SH2B1: variants seen among roughly 807,000 people sequenced by gnomAD.
The protein encoded by SH2B1 is SH2B adaptor protein 1.
SH2B1 carries 15 observed loss-of-function variants against 62.6 expected under a neutral mutation model. The ratio of observed to expected loss-of-function variants is 0.24; its 90% CI spans 0.16 to 0.37. The LOEUF is 0.37. Among genes scored for constraint, SH2B1 ranks in the 10% least tolerant of loss-of-function variants. The probability of loss-of-function intolerance (pLI) is 1.00; values close to 1 mark genes in which losing one functional copy is unlikely to be tolerated. For synonymous variants in SH2B1, 443 were observed against 438.0 expected (o/e 1.01, Z -0.14); for missense variants, 925 against 1,015.6 (o/e 0.91, Z 1.21).
chr16:28,858,029 G>A (rs1397270997), intron 1 of SH2B1, among the ~76,000 whole-genome samples: 2 of 151,666 alleles, frequency 1.3e-5, no homozygotes, highest in Non-Finnish European at 2.9e-5. Context: ...GTGAGCCACC[G>A]CGCCCGGCCA....
intron 1 of SH2B1, among the ~76,000 whole-genome samples, chr16:28,852,314 TTACATA>T (rs1962130419): frequency 2.9e-5 from 2 of 68,042 alleles, no homozygotes; most frequent in African/African-American, 1.1e-4. Context: ...ATATATATAT[TTACATA>T]TATATATTTA....
At chr16:28,847,104 A>G (rs1398083982) in intron 1 of SH2B1, among the ~76,000 whole-genome samples, 1 of 152,190 alleles carries the variant, frequency 6.6e-6, no homozygotes, top group African/African-American at 2.4e-5. Context: ...GTCCCTCAGC[A>G]GCCTAAGGAG....
intron 1 of SH2B1, among the ~76,000 whole-genome samples, chr16:28,853,078 TTA>T (rs1184283099): frequency 1.3e-4 from 15 of 115,414 alleles, no homozygotes; most frequent in East Asian, 7.3e-4. Context: ...ACATATATAT[TTA>T]TATATATTTA....
chr16:28,861,320 G>A (rs1427346582), upstream of SH2B1, among the ~76,000 whole-genome samples: 6 of 152,116 alleles, frequency 3.9e-5, no homozygotes, highest in Non-Finnish European at 7.4e-5. Context: ...TTTAGTAGAG[G>A]TGGGGTTTCA....
intron 1 of SH2B1, among the ~76,000 whole-genome samples, chr16:28,857,864 C>T (rs905833447): frequency 6.6e-6 from 1 of 151,974 alleles, no homozygotes; most frequent in African/African-American, 2.4e-5. Flanking sequence ...CTCAGACTCC[C>T]GAGTAGCTGG....
In SH2B1 at chr16:28,873,348, G is replaced by A. The variant is rs1963153874; in HGVS notation, c.1898-99G>A. On this transcript the variant is annotated intron_variant, in intron 7 of 7. Transcript: ENST00000684370. This position sits in a 1 kb window ranked among gnomAD's most constrained non-coding sequence, Gnocchi z 4.2. ...GGGTTGCTCAGGAGATGGGATGTGG[G>A]GAGACAGCCACGCTCCTGGGGGGCT... The A allele has an allele frequency of 4.4e-6, 7 of 1,587,686 alleles. No homozygotes were observed. Among genetic ancestry groups the A allele is most frequent in the Admixed American group, 3.5e-5 (2 of 56,788 alleles).
chr16:28,858,534 T>TA (rs1962372849), intron 1 of SH2B1, among the ~76,000 whole-genome samples: 1 of 151,964 alleles, frequency 6.6e-6, no homozygotes, highest in South Asian at 2.1e-4. Flanking sequence ...ACTCAGGTGT[T>TA]ACATAAGGAA....
chr16:28,866,365 A>G lies in SH2B1; in HGVS notation c.271A>G (p.Ile91Val), dbSNP rs1055620263. 6.2e-7 allele frequency: 1 copy of G among 1,613,206 alleles called. No individual in the cohort carries two copies. Among genetic ancestry groups the G allele is most frequent in the African/African-American group, 1.3e-5 (1 of 74,950 alleles). Reference sequence around the variant, plus strand: ...GGCCTCTGGCTCCCTGTCGCCACCCATCCTGGCTCCCCTGAGCCCTGGTGC... The same window carrying G: ...GGCCTCTGGCTCCCTGTCGCCACCCGTCCTGGCTCCCCTGAGCCCTGGTGC... ...ARASGSLSPPILAPLSPGAEI... is the reference protein window; with the variant it reads ...ARASGSLSPPVLAPLSPGAEI... Residue 91 changes from isoleucine (I) to valine (V), a missense_variant, in exon 1 of 8, where the codon ATC (isoleucine) becomes GTC (valine). Ile to Val is a conservative substitution (Grantham distance 29, BLOSUM62 3). This residue lies in a region of SH2B1 where 683 missense variants were observed against 704.0 expected (regional missense o/e 0.97). Coordinates refer to ENST00000684370, the MANE Select transcript of SH2B1 (RefSeq NM_001387430.1). This position sits in a 1 kb window ranked among gnomAD's most constrained non-coding sequence, Gnocchi z 6.3.
At chr16:28,869,183 A>G (rs752139130) in intron 3 of SH2B1, 25 bp from the exon 4 acceptor site, 1 of 1,613,898 alleles carries the variant, frequency 6.2e-7, no homozygotes, top group South Asian at 1.1e-5. Flanking sequence ...CTTTCCTCCC[A>G]GCACCATCTT....
intron 1 of SH2B1, among the ~76,000 whole-genome samples, chr16:28,857,976 T>C (rs1962360976): frequency 6.6e-6 from 1 of 151,992 alleles, no homozygotes; most frequent in Admixed American, 6.6e-5. Context: ...CCTGACCTCG[T>C]GATCCGCCCA....
At chr16:28,867,309 C>G (rs1335698175) in intron 1 of SH2B1, 22 bp from the exon 2 acceptor site, 3 of 1,572,520 alleles carry the variant, frequency 1.9e-6, no homozygotes, top group South Asian at 2.2e-5. Context: ...ACACCCAGAT[C>G]TGTTTCTTTC....
At chr16:28,852,589 T>C (rs1314260958) in intron 1 of SH2B1, among the ~76,000 whole-genome samples, 1 of 37,608 alleles carries the variant, frequency 2.7e-5, no homozygotes, top group African/African-American at 1.2e-4. Context: ...TTTATATATA[T>C]ACACATATAT....
Position 28,873,842 on chromosome 16 carries a change from C to G in SH2B1, c.*22C>G. The G allele has an allele frequency of 7.1e-7, 1 of 1,417,150 alleles. No individual in the cohort carries two copies. 87.8% of individuals were successfully genotyped at this position (1,417,150 alleles called of 1,614,324 possible). Reference sequence around the variant, plus strand: ...GTGAGCCAACCCCACCCGCTCCACCCTTTTTAAACCCCCCAGCCCTGCTCG... The same window carrying G: ...GTGAGCCAACCCCACCCGCTCCACCGTTTTTAAACCCCCCAGCCCTGCTCG... On this transcript the variant is annotated 3_prime_UTR_variant, in exon 8 of 8. Transcript: ENST00000684370. This position sits in a 1 kb window ranked among gnomAD's most constrained non-coding sequence, Gnocchi z 4.2.
At position 28,866,570 on chromosome 16, in the gene SH2B1, G is replaced by C. The variant is rs1471179547; in HGVS notation, c.476G>C (p.Gly159Ala). 3.7e-6 allele frequency: 6 copies of C among 1,613,888 alleles called. No homozygotes were observed. Among genetic ancestry groups the C allele is most frequent in the Non-Finnish European group, 5.1e-6 (6 of 1,180,028 alleles). The change falls in exon 1 of 8, where the codon GGT (glycine) becomes GCT (alanine). Residue 159 changes from glycine (G) to alanine (A), a missense_variant. Transcript: ENST00000684370. The surrounding 1 kb of genome is among the most constrained non-coding windows in gnomAD (Gnocchi z 6.3). ...AAGCGCTTTTCCCTGCGTTCAGTGG[G>C]TCGCTCTGTCCGAGGCTCAGTCCGT... ...LKKRFSLRSV[G>A]RSVRGSVRGI...
chr16:28,863,910 C>G lies in SH2B1; in HGVS notation c.-2185C>G. The G allele has an allele frequency of 7.7e-7, 1 of 1,305,390 alleles. No individual in the cohort carries two copies. 80.9% of individuals were successfully genotyped at this position (1,305,390 alleles called of 1,614,324 possible). On this transcript the variant is annotated 5_prime_UTR_variant, in exon 1 of 8. Coordinates refer to ENST00000684370, the MANE Select transcript of SH2B1 (RefSeq NM_001387430.1). ...GGAGCGGGAGCCGCCGCCGCCGCCGCCGCCGCCGGAGCTAACCTCGGGGAC... is the reference window on the plus strand; with the variant it reads ...GGAGCGGGAGCCGCCGCCGCCGCCGGCGCCGCCGGAGCTAACCTCGGGGAC...
intron 1 of SH2B1, among the ~76,000 whole-genome samples, chr16:28,855,780 C>CA (rs1350339208): frequency 6.7e-6 from 1 of 148,982 alleles, no homozygotes; most frequent in Non-Finnish European, 1.5e-5. Context: ...GCTGGGACTA[C>CA]AGGCGCCCGC....
At position 28,867,038 on chromosome 16, in the gene SH2B1, G is replaced by A; in HGVS notation, c.939+5G>A. The A allele has an allele frequency of 6.3e-7, 1 of 1,598,880 alleles. No homozygotes were observed. The highest frequency in any genetic ancestry group is 8.5e-7 in the Non-Finnish European group (1 of 1,179,930). On this transcript the variant is annotated splice_donor_5th_base_variant and intron_variant, in intron 1 of 7. Transcript: ENST00000684370. ...GAGTTCTTTGTACCACCCAAGGTGA[G>A]GCCCCTTGGAGGGTGGGTGACTGAG... is the stretch of plus-strand genomic sequence containing the variant.
In SH2B1 at chr16:28,873,788, A is replaced by C. The variant is rs1963185010; in HGVS notation, c.2239A>C (p.Arg747=). 6.8e-7 allele frequency: 1 copy of C among 1,463,864 alleles called. No homozygotes were observed. Among genetic ancestry groups the C allele is most frequent in the Non-Finnish European group, 9.0e-7 (1 of 1,109,964 alleles). 90.7% of individuals were successfully genotyped at this position (1,463,864 alleles called of 1,614,324 possible). Residue 747 remains arginine (R), a synonymous_variant, in exon 8 of 8, where the codon AGG becomes CGG. Coordinates refer to ENST00000684370, the MANE Select transcript of SH2B1 (RefSeq NM_001387430.1). This position sits in a 1 kb window ranked among gnomAD's most constrained non-coding sequence, Gnocchi z 4.2. The stretch of plus-strand genomic sequence containing the variant: ...TGATGGAGAGGAAGGGGGCCACCCC[A>C]GGGCCATTAACAACCAGTACTCCTT... ...GGDGEEGGHP[R]AINNQYSFV
At chr16:28,857,018 C>T (rs1453518443) in intron 1 of SH2B1, among the ~76,000 whole-genome samples, 2 of 152,148 alleles carry the variant, frequency 1.3e-5, no homozygotes, top group Non-Finnish European at 2.9e-5. Context: ...CCCAGTGGCT[C>T]ACACCTGTAA....
Sources: gnomAD v4.1 joint callset for allele counts (sites outside exome capture counted in the v4.1 genomes callset) on GRCh38, gnomAD v4.1.1 for gene constraint, gnomAD v4.1.1 regional missense constraint, Gnocchi (gnomAD v3.1) non-coding constraint, MANE v1.5 for transcripts, NCBI Gene and HGNC (gene_info 2026-07-23, HGNC 2026-07-21) for gene names.